The following TLE1 variants were observed in gnomAD, a reference collection of about 807,000 sequenced individuals.
TLE1 encodes the protein transducin-like enhancer protein 1.
A neutral mutation model predicts 89.8 loss-of-function variants in TLE1; 21 were observed. The ratio of observed to expected loss-of-function variants is 0.23; its 90% CI spans 0.17 to 0.34. TLE1 has a LOEUF of 0.34. Among genes scored for constraint, TLE1 ranks in the 10% least tolerant of loss-of-function variants. The pLI is 1.00. For synonymous variants in TLE1, 447 were observed against 407.6 expected, an observed-to-expected ratio of 1.10 and a Z score of -1.16; for missense variants, 795 against 1,031.2, an observed-to-expected ratio of 0.77 and a Z score of 3.14.
intron 1 of TLE1, 91 bp downstream of exon 1, chr9:81,688,126 C>T (rs749932234): frequency 5.2e-6 from 8 of 1,524,014 alleles, no homozygotes; most frequent in Non-Finnish European, 7.2e-6. Context: ...GAAGGTCCGC[C>T]GGGCCTCAGA....
At chr9:81,604,142 T>C (rs1205851064) in intron 14 of TLE1, among the ~76,000 whole-genome samples, 1 of 152,258 alleles carries the variant, frequency 6.6e-6, no homozygotes, top group Non-Finnish European at 1.5e-5. Flanking sequence ...CCTGTTAATC[T>C]ATCTTATGTC....
chr9:81,687,029 C>T (rs1054048249), intron 2 of TLE1, among the ~76,000 whole-genome samples: 26 of 152,162 alleles, frequency 1.7e-4, no homozygotes, highest in African/African-American at 6.3e-4. Flanking sequence ...GCTCAGTCTG[C>T]TGAAAAATAA....
intron 8 of TLE1, among the ~76,000 whole-genome samples, chr9:81,624,969 G>A (rs988895627): frequency 6.6e-6 from 1 of 152,064 alleles, no homozygotes; most frequent in Non-Finnish European, 1.5e-5. Flanking sequence ...TGTGGGTACA[G>A]GGTCAAGTAC....
chr9:81,681,636 C>T (rs1318877050), intron 4 of TLE1, among the ~76,000 whole-genome samples: 1 of 152,088 alleles, frequency 6.6e-6, no homozygotes, highest in Non-Finnish European at 1.5e-5. Flanking sequence ...AACACAGGCA[C>T]AAAGTGACTG....
At chr9:81,587,550 T>C in intron 17 of TLE1, 131 bp downstream of exon 17, 1 of 1,235,570 alleles carries the variant, frequency 8.1e-7, no homozygotes, top group South Asian at 1.8e-5. Context: ...TTAAATTAGT[T>C]ATCTCAAATT....
In TLE1 at chr9:81,688,202, C is replaced by G; in HGVS notation, c.24+15G>C. The G allele has an allele frequency of 6.3e-7, 1 of 1,598,740 alleles. No homozygotes were observed. The highest frequency in any genetic ancestry group is 1.1e-5 in the South Asian group (1 of 90,270). On this transcript the variant is annotated intron_variant, in intron 1 of 19. Coordinates refer to ENST00000376499, the MANE Select transcript of TLE1 (RefSeq NM_005077.5). ...AACGATCCTGGCCCCCCACCACCAC[C>G]CAGCCGCGCCTCACCGGGTGCCGGC... is the stretch of plus-strand genomic sequence containing the variant.
chr9:81,598,456 T>C (rs765384100), intron 14 of TLE1, among the ~76,000 whole-genome samples: 8 of 152,170 alleles, frequency 5.3e-5, no homozygotes, highest in Non-Finnish European at 1.2e-4. Context: ...ACTTCTCATA[T>C]GGTGAACATT....
chr9:81,654,684 C>T (rs774094033), intron 4 of TLE1, among the ~76,000 whole-genome samples: 1 of 152,154 alleles, frequency 6.6e-6, no homozygotes, highest in South Asian at 2.1e-4. Flanking sequence ...ACATTTATGT[C>T]ATTATTGCAA....
chr9:81,626,436 G>T (rs1465279119), intron 8 of TLE1, among the ~76,000 whole-genome samples: 1 of 152,050 alleles, frequency 6.6e-6, no homozygotes, highest in Non-Finnish European at 1.5e-5. Flanking sequence ...GGTCCAACTG[G>T]TCATTCACGT....
chr9:81,656,109 T>C (rs1286773623), intron 4 of TLE1, among the ~76,000 whole-genome samples: 3 of 152,148 alleles, frequency 2.0e-5, no homozygotes, highest in Non-Finnish European at 2.9e-5. Flanking sequence ...AGCCCGTGCA[T>C]GACCTTGCTT....
At chr9:81,685,608 C>T in intron 4 of TLE1, 68 bp downstream of exon 4, 1 of 1,544,644 alleles carries the variant, frequency 6.5e-7, no homozygotes, top group Non-Finnish European at 8.9e-7. Flanking sequence ...CTACTGAGAA[C>T]AAAGCCAGTA....
intron 6 of TLE1, among the ~76,000 whole-genome samples, chr9:81,634,529 T>C (rs1827131958): frequency 6.6e-6 from 1 of 152,102 alleles, no homozygotes; most frequent in South Asian, 2.1e-4. Context: ...ACCTGCTCAA[T>C]TACCTCTCCC....
intron 14 of TLE1, among the ~76,000 whole-genome samples, chr9:81,607,435 C>T (rs1014886677): frequency 7.2e-5 from 11 of 152,182 alleles, no homozygotes; most frequent in African/African-American, 2.7e-4. Context: ...GCTCTGCTCA[C>T]CCGCCTTCCC....
At chr9:81,659,050 A>T (rs890454780) in intron 4 of TLE1, among the ~76,000 whole-genome samples, 8 of 152,072 alleles carry the variant, frequency 5.3e-5, no homozygotes, top group South Asian at 2.1e-4. Context: ...CTGGGATGAC[A>T]GGCACGCGCC....
At chr9:81,613,910 T>C (rs1324930922) in intron 11 of TLE1, among the ~76,000 whole-genome samples, 3 of 145,710 alleles carry the variant, frequency 2.1e-5, no homozygotes, top group East Asian at 2.0e-4. Flanking sequence ...TCTTTTCTTT[T>C]TTTTTTTTTT....
chr9:81,660,649 C>T (rs1588155648), intron 4 of TLE1, among the ~76,000 whole-genome samples: 1 of 151,156 alleles, frequency 6.6e-6, no homozygotes, highest in Admixed American at 6.6e-5. Context: ...AACTCCTGAC[C>T]TCGTGATTCG....
intron 6 of TLE1, among the ~76,000 whole-genome samples, chr9:81,637,644 C>CTTTTTT (rs11375860): frequency 7.2e-6 from 1 of 138,708 alleles, no homozygotes; most frequent in Non-Finnish European, 1.5e-5. Context: ...ATGAAAGTTT[C>CTTTTTT]TTTTTTTTTT....
rs552876119 is a variant in TLE1 at position 81,632,112 on chromosome 9, A to G, written c.594+1236T>C. Among the ~76,000 whole-genome samples, 5 of 139,262 alleles carry G rather than the reference A, an allele frequency of 3.6e-5. No individual in the cohort carries two copies. The East Asian group carries it at 1.2e-3, about 34-fold the overall frequency. 91.4% of individuals were successfully genotyped at this position (139,262 alleles called of 152,430 possible). A position where few individuals can be genotyped will look rare whatever the true frequency, so the allele number is the denominator to read the frequency against. On this transcript the variant is annotated intron_variant, in intron 8 of 19. Transcript: ENST00000376499. ...TCTCAAAAAAAAAAAGACTATCTAT[A>G]GGAACCCTGGAATGGCAAAACAATA...
chr9:81,636,767 G>A (rs1269716419), intron 6 of TLE1, among the ~76,000 whole-genome samples: 1 of 152,134 alleles, frequency 6.6e-6, no homozygotes, highest in African/African-American at 2.4e-5. Context: ...CACTTTGGGG[G>A]CCCAAGGCAA....
Sources: gnomAD v4.1 joint callset for allele counts (sites outside exome capture counted in the v4.1 genomes callset) on GRCh38, gnomAD v4.1.1 for gene constraint, MANE v1.5 for transcripts, NCBI Gene and HGNC (gene_info 2026-07-23, HGNC 2026-07-21) for gene names.